The following CNIH3 variants were observed in gnomAD, a reference collection of about 807,000 sequenced individuals.
CNIH3 encodes the protein protein cornichon homolog 3.
Under a neutral mutation model 24.1 loss-of-function variants are expected in CNIH3, and 14 were observed. The observed-to-expected ratio is 0.58, with a 90% CI of 0.38 to 0.91. The LOEUF is 0.91. CNIH3 is among the 40% of genes least tolerant of loss of function. The pLI is 0.00. For missense variants in CNIH3, 178 were observed against 196.8 expected (o/e 0.90, Z 0.57); for synonymous variants, 68 against 73.8 (o/e 0.92, Z 0.40).
rs533435513 is a variant in CNIH3 at position 224,671,309 on chromosome 1, G to A, written c.82-9649G>A. ...ACCAGAGGCTCTGTGCTGGTTGGAA[G>A]TTCAACTTCCTCTCCTAGACTCTTG... On this transcript the variant is annotated intron_variant, in intron 1 of 5. Transcript: ENST00000272133. 2.6e-5 allele frequency among the ~76,000 whole-genome samples: 4 copies of A among 152,368 alleles called. No homozygotes were observed. The East Asian group carries it at 7.7e-4, about 29-fold the overall frequency.
At chr1:224,618,687 A>G (rs1683146752) in intron 1 of CNIH3, among the ~76,000 whole-genome samples, 1 of 152,172 alleles carries the variant, frequency 6.6e-6, no homozygotes, top group African/African-American at 2.4e-5. Flanking sequence ...GCTTTCCCCC[A>G]TTTCTCAGAT....
chr1:224,571,163 C>T lies in CNIH3; in HGVS notation n.516+4899C>T, dbSNP rs200075261. On this transcript the variant is annotated intron_variant and non_coding_transcript_variant, in intron 4 of 5. Coordinates refer to the CNIH3 transcript ENST00000471578. ...GAGTGTGTCTTGGCTATTCTTGGTC[C>T]CTTGCACTTCTCTGTAAACTTTGGG... 9.2e-5 allele frequency among the ~76,000 whole-genome samples: 14 copies of T among 152,232 alleles called. No homozygotes were observed. The South Asian group carries it at 1.5e-3, about 16-fold the overall frequency.
intron 2 of CNIH3, chr1:224,546,781 T>G (rs1381955272): frequency 2.2e-6 from 1 of 463,542 alleles, no homozygotes; most frequent in Non-Finnish European, 2.8e-6. Flanking sequence ...AGCCTCAGCT[T>G]TGACAAATAA....
chr1:224,665,223 T>G (rs764056602), intron 1 of CNIH3, among the ~76,000 whole-genome samples: 1 of 152,110 alleles, frequency 6.6e-6, no homozygotes, highest in Non-Finnish European at 1.5e-5. Flanking sequence ...AGAACTGCCC[T>G]CTTGTACGCT....
chr1:224,628,152 T>G (rs1352341002), intron 1 of CNIH3, among the ~76,000 whole-genome samples: 1 of 152,104 alleles, frequency 6.6e-6, no homozygotes, highest in Non-Finnish European at 1.5e-5. Flanking sequence ...TCTATCCTGC[T>G]TCTACGCTTC....
intron 3 of CNIH3, among the ~76,000 whole-genome samples, chr1:224,610,051 C>T (rs554361207): frequency 6.6e-6 from 1 of 152,132 alleles, no homozygotes; most frequent in Non-Finnish European, 1.5e-5. Context: ...ACTTTTGGTA[C>T]AGCATTTAAT....
intron 3 of CNIH3, among the ~76,000 whole-genome samples, chr1:224,707,634 C>T (rs1011868603): frequency 1.3e-5 from 2 of 152,162 alleles, no homozygotes; most frequent in African/African-American, 4.8e-5. Context: ...TTTGGCATCA[C>T]CTGGGAGCTT....
intron 1 of CNIH3, among the ~76,000 whole-genome samples, chr1:224,496,972 C>T (rs189155782): frequency 6.6e-6 from 1 of 152,268 alleles, no homozygotes; most frequent in East Asian, 1.9e-4. Context: ...GGAAGCAACT[C>T]AAGTGTTCTT....
intron 1 of CNIH3, among the ~76,000 whole-genome samples, chr1:224,471,709 C>G (rs1020902029): frequency 6.6e-6 from 1 of 151,922 alleles, no homozygotes; most frequent in African/African-American, 2.4e-5. Flanking sequence ...TCTGCTGCAG[C>G]CTCCTAAGTA....
At chr1:224,582,480 A>T (rs768938498) in intron 4 of CNIH3, among the ~76,000 whole-genome samples, 10 of 152,030 alleles carry the variant, frequency 6.6e-5, no homozygotes, top group Non-Finnish European at 1.5e-4. Flanking sequence ...AATAATGGTG[A>T]TGGATTTTGA....
intron 1 of CNIH3, among the ~76,000 whole-genome samples, chr1:224,666,034 C>A (rs1447786865): frequency 1.3e-5 from 2 of 152,124 alleles, no homozygotes; most frequent in East Asian, 3.9e-4. Flanking sequence ...GCAGCTTTCC[C>A]AAGGAGTTCT....
intron 1 of CNIH3, among the ~76,000 whole-genome samples, chr1:224,465,987 C>T (rs541032440): frequency 6.6e-6 from 1 of 152,182 alleles, no homozygotes; most frequent in South Asian, 2.1e-4. Context: ...GAGATCTCGC[C>T]ATTGCACTCC....
chr1:224,544,468 A>G (rs1197891394), intron 2 of CNIH3, among the ~76,000 whole-genome samples: 1 of 152,206 alleles, frequency 6.6e-6, no homozygotes, highest in African/African-American at 2.4e-5. Context: ...TTTTAGGAAT[A>G]TTTTGTTTAT....
At chr1:224,653,549 G>A (rs1684963056) in intron 1 of CNIH3, among the ~76,000 whole-genome samples, 1 of 152,132 alleles carries the variant, frequency 6.6e-6, no homozygotes, top group Admixed American at 6.6e-5. Context: ...TGGAGTTTTG[G>A]GTATTTCTGT....
At chr1:224,708,185 CCTCCA>C (rs973352799) in intron 3 of CNIH3, among the ~76,000 whole-genome samples, 2 of 152,042 alleles carry the variant, frequency 1.3e-5, no homozygotes, top group Non-Finnish European at 2.9e-5. Flanking sequence ...CCTATTTCCC[CCTCCA>C]CTTCCTGTCC....
chr1:224,722,816 C>T (rs1452508599), intron 3 of CNIH3, among the ~76,000 whole-genome samples: 1 of 152,192 alleles, frequency 6.6e-6, no homozygotes, highest in African/African-American at 2.4e-5. Context: ...TAGAGCAGGG[C>T]ACTAGGCCCA....
chr1:224,639,265 CTGA>C (rs1684239670), intron 1 of CNIH3, among the ~76,000 whole-genome samples: 1 of 152,236 alleles, frequency 6.6e-6, no homozygotes, highest in Non-Finnish European at 1.5e-5. Context: ...GCCCCATTAC[CTGA>C]TGATGATGTG....
intron 1 of CNIH3, among the ~76,000 whole-genome samples, chr1:224,489,888 C>T (rs574628331): frequency 1.3e-5 from 2 of 152,302 alleles, no homozygotes; most frequent in South Asian, 4.1e-4. Context: ...CAAGGCAGTT[C>T]TTGGCACTAA....
intron 4 of CNIH3, among the ~76,000 whole-genome samples, chr1:224,577,538 G>T (rs758488078): frequency 6.6e-6 from 1 of 151,838 alleles, no homozygotes; most frequent in Non-Finnish European, 1.5e-5. Context: ...GAATGGCCAT[G>T]ATTTAAAAAT....
Sources: allele counts gnomAD v4.1 joint callset (sites outside exome capture counted in the v4.1 genomes callset), GRCh38; gene constraint gnomAD v4.1.1; transcripts MANE v1.5; gene names NCBI Gene and HGNC (gene_info 2026-07-23, HGNC 2026-07-21).